The following ABCC5 variants were observed in gnomAD, a reference collection of about 807,000 sequenced individuals.
ABCC5 encodes ATP binding cassette subfamily C member 5.
In ABCC5, 61 loss-of-function variants were observed where a neutral mutation model predicts 160.9. The ratio of observed to expected loss-of-function variants is 0.38; its 90% confidence interval spans 0.31 to 0.47. The LOEUF is 0.47. Ranked by LOEUF, ABCC5 falls within the 20% of genes least tolerant of loss-of-function variation. The pLI is 0.99. For synonymous variants in ABCC5, 666 were observed against 700.6 expected (o/e 0.95, Z 0.78); for missense variants, 1,308 against 1,813.3 (o/e 0.72, Z 5.06).
rs553015983 is a variant in ABCC5, at chr3:183,962,375, C to T, written c.2236-721G>A. On this transcript the variant is annotated intron_variant, in intron 15 of 29. Transcript: ENST00000334444. ...AACCGTAAGCCAGCGACTGTCTCTA[C>T]TGGTATCTAGTGGCTAGAGGCCAGG... Among the ~76,000 whole-genome samples the T allele has an allele frequency of 5.3e-5, 8 of 152,242 alleles. No individual in the cohort carries two copies. The South Asian group carries it at 1.5e-3, about 28-fold the overall frequency.
At chr3:183,962,528 T>C (rs1215253405) in intron 15 of ABCC5, among the ~76,000 whole-genome samples, 1 of 151,500 alleles carries the variant, frequency 6.6e-6, no homozygotes, top group Non-Finnish European at 1.5e-5. Context: ...CCTCCAGTTT[T>C]TTTCTTTTTT....
At chr3:183,950,486 C>T (rs1715244547) in intron 20 of ABCC5, among the ~76,000 whole-genome samples, 1 of 152,142 alleles carries the variant, frequency 6.6e-6, no homozygotes. Context: ...ACATTTAAGA[C>T]ATTTTTTGTC....
chr3:183,940,228 C>T (rs1322516836), intron 25 of ABCC5, among the ~76,000 whole-genome samples: 8 of 151,422 alleles, frequency 5.3e-5, no homozygotes, highest in East Asian at 3.9e-4. Flanking sequence ...GTGGGCGCAG[C>T]GGTTCACACC....
Position 183,981,824 on chromosome 3 carries a change from G to A in ABCC5, c.1050C>T (p.Ala350=). 6.2e-7 allele frequency: 1 copy of A among 1,611,328 alleles called. No homozygotes were observed. The highest frequency in any genetic ancestry group is 8.5e-7 in the Non-Finnish European group (1 of 1,179,292). The change falls in exon 8 of 30, where the codon GCC becomes GCT. Residue 350 remains alanine, a synonymous_variant. Transcript: ENST00000334444. ...TAYFRRKCVA[A]TDERVQKMNE... is the part of the protein sequence containing the mutation. ...TCATCTTCTGGACACGTTCATCCGT[G>A]GCGGCCACGCATTTTCTCCTGAAAT...
At chr3:183,954,857 T>C (rs1335880012) in intron 17 of ABCC5, among the ~76,000 whole-genome samples, 2 of 152,048 alleles carry the variant, frequency 1.3e-5, no homozygotes, top group Non-Finnish European at 2.9e-5. Context: ...TAGGGAGACA[T>C]GAGACATCAA....
At chr3:183,950,171 TG>T in intron 20 of ABCC5, 46 bp from the exon 21 acceptor site, 1 of 1,561,806 alleles carries the variant, frequency 6.4e-7, no homozygotes, top group Non-Finnish European at 8.6e-7. Context: ...TTTGGAAAAA[TG>T]GAACTGAAAA....
intron 9 of ABCC5, among the ~76,000 whole-genome samples, chr3:183,978,242 A>G (rs1718393762): frequency 6.6e-6 from 1 of 152,172 alleles, no homozygotes; most frequent in East Asian, 1.9e-4. Context: ...GAATGAAAAA[A>G]TACCTACTAA....
At chr3:183,933,152 A>T (rs529542471) in intron 26 of ABCC5, among the ~76,000 whole-genome samples, 1 of 144,346 alleles carries the variant, frequency 6.9e-6, no homozygotes, top group African/African-American at 2.6e-5. Flanking sequence ...CAGGTGACAA[A>T]GCGAGACTGT....
intron 10 of ABCC5, among the ~76,000 whole-genome samples, chr3:183,974,585 A>C (rs1014075210): frequency 6.6e-6 from 1 of 152,248 alleles, no homozygotes; most frequent in Non-Finnish European, 1.5e-5. Flanking sequence ...TTAGGATTAC[A>C]GGCGTGAGCC....
At chr3:183,926,323 A>G (rs1247331762) in intron 28 of ABCC5, among the ~76,000 whole-genome samples, 5 of 150,082 alleles carry the variant, frequency 3.3e-5, no homozygotes, top group East Asian at 4.1e-4. Flanking sequence ...AGGCCGAGGC[A>G]GGCGGATCAC....
At position 183,921,328 on chromosome 3, in the gene ABCC5, G is replaced by C; in HGVS notation, c.4286C>G (p.Ala1429Gly). ...GCCCTTGACAGCGACCTTGTTCTCTGCAGCAGCAAACATGGCATAGAATCG... is the reference window on the plus strand; with the variant it reads ...GCCCTTGACAGCGACCTTGTTCTCTCCAGCAGCAAACATGGCATAGAATCG... ...SSRFYAMFAA[A>G]ENKVAVKG is the part of the protein sequence containing the mutation. Residue 1429 changes from alanine to glycine, a missense_variant, in exon 30 of 30, where the codon GCA becomes GGA. Coordinates refer to ENST00000334444, the MANE Select transcript of ABCC5 (RefSeq NM_005688.4). This position sits in a 1 kb window ranked among gnomAD's most constrained non-coding sequence, Gnocchi z 4.1. 1 of 1,606,040 alleles carries C rather than the reference G, an allele frequency of 6.2e-7. No homozygotes were observed. Among genetic ancestry groups the C allele is most frequent in the Non-Finnish European group, 8.5e-7 (1 of 1,173,110 alleles).
chr3:183,975,093 G>C (rs1274073787), intron 10 of ABCC5, among the ~76,000 whole-genome samples: 1 of 152,142 alleles, frequency 6.6e-6, no homozygotes, highest in Non-Finnish European at 1.5e-5. Flanking sequence ...AATGATGAGA[G>C]GGCAGATGCT....
chr3:183,998,947 G>A (rs542547790), intron 2 of ABCC5, among the ~76,000 whole-genome samples: 4 of 152,080 alleles, frequency 2.6e-5, no homozygotes, highest in African/African-American at 4.8e-5. Flanking sequence ...AAAATTAGGC[G>A]GGCATGGTGG....
intron 26 of ABCC5, among the ~76,000 whole-genome samples, chr3:183,936,669 G>A (rs974629731): frequency 9.2e-5 from 14 of 152,164 alleles, no homozygotes; most frequent in South Asian, 2.1e-4. Flanking sequence ...CACCACGCCC[G>A]GCTAATTTTT....
At chr3:183,922,777 G>A (rs1270747268) in intron 29 of ABCC5, among the ~76,000 whole-genome samples, 1 of 151,968 alleles carries the variant, frequency 6.6e-6, no homozygotes, top group East Asian at 2.0e-4. Context: ...GGTGCTTTAG[G>A]AGAGGGTGTC....
At chr3:183,927,899 C>T (rs944193743) in intron 27 of ABCC5, 1 of 827,138 alleles carries the variant, frequency 1.2e-6, no homozygotes, top group Non-Finnish European at 1.5e-6. Context: ...AAAAACAGAA[C>T]TCATCTACTA....
Position 183,963,403 on chromosome 3 carries a change from A to G in ABCC5, c.2217T>C (p.Phe739=), listed in dbSNP as rs1166275945. ...RKHLKSKTVL[F]VTHQLQYLVD... Reference sequence around the variant, plus strand: ...ACCATACCTGTAACTGGTGGGTAACAAACAGAACTGTCTTGGACTTGAGAT... The same window carrying G: ...ACCATACCTGTAACTGGTGGGTAACGAACAGAACTGTCTTGGACTTGAGAT... The change falls in exon 15 of 30, where the codon TTT becomes TTC. Residue 739 remains phenylalanine (F), a synonymous_variant. Transcript: ENST00000334444. This position sits in a 1 kb window ranked among gnomAD's most constrained non-coding sequence, Gnocchi z 4.6. The G allele has an allele frequency of 8.7e-6, 14 of 1,614,144 alleles. No individual in the cohort carries two copies. The highest frequency in any genetic ancestry group is 1.1e-5 in the Non-Finnish European group (13 of 1,180,056).
In ABCC5 at chr3:183,963,235, T is replaced by C; in HGVS notation, c.2235+150A>G. The C allele has an allele frequency of 1.3e-6, 1 of 756,442 alleles. No individual in the cohort carries two copies. The highest frequency in any genetic ancestry group is 1.8e-5 in the South Asian group (1 of 56,560). 46.9% of individuals were successfully genotyped at this position (756,442 alleles called of 1,614,324 possible). A position where few individuals can be genotyped will look rare whatever the true frequency, so the allele number is the denominator to read the frequency against. On this transcript the variant is annotated intron_variant, in intron 15 of 29. Coordinates refer to ENST00000334444, the MANE Select transcript of ABCC5 (RefSeq NM_005688.4). This position sits in a 1 kb window ranked among gnomAD's most constrained non-coding sequence, Gnocchi z 4.6. Reference sequence around the variant, plus strand: ...ATCTGTTACACTGGTACAGTGAGCTTTATTGGTACAGGGGGCTAATTTGCT... The same window carrying C: ...ATCTGTTACACTGGTACAGTGAGCTCTATTGGTACAGGGGGCTAATTTGCT...
intron 12 of ABCC5, among the ~76,000 whole-genome samples, chr3:183,966,334 G>T (rs1175895560): frequency 6.6e-6 from 1 of 152,170 alleles, no homozygotes; most frequent in East Asian, 1.9e-4. Flanking sequence ...AAGTCCCCAG[G>T]GGGTCTACTG....
Sources: allele counts gnomAD v4.1 joint callset (sites outside exome capture counted in the v4.1 genomes callset), GRCh38; gene constraint gnomAD v4.1.1; non-coding constraint Gnocchi (gnomAD v3.1); transcripts MANE v1.5; gene names NCBI Gene and HGNC (gene_info 2026-07-23, HGNC 2026-07-21).